Variants in VCAM1 observed in about 807,000 individuals in gnomAD.
VCAM1 encodes the protein vascular cell adhesion protein 1.
VCAM1 carries 41 observed loss-of-function variants against 63.8 expected under a neutral mutation model. The ratio of observed to expected loss-of-function variants is 0.64; its 90% CI spans 0.50 to 0.83. The LOEUF is 0.83. Ranked by LOEUF, VCAM1 falls within the 40% of genes least tolerant of loss-of-function variation. VCAM1 has a pLI of 0.00. For synonymous variants in VCAM1, 338 were observed against 320.7 expected (o/e 1.05, Z -0.58); for missense variants, 798 against 875.5 (o/e 0.91, Z 1.12).
At chr1:100,722,474 A>G (rs1313116136) in intron 2 of VCAM1, among the ~76,000 whole-genome samples, 3 of 152,096 alleles carry the variant, frequency 2.0e-5, no homozygotes, top group Non-Finnish European at 2.9e-5. Flanking sequence ...TATCTGTAAA[A>G]TGGAAATATA....
intron 4 of VCAM1, among the ~76,000 whole-genome samples, chr1:100,725,811 T>C (rs1375141293): frequency 6.6e-6 from 1 of 152,064 alleles, no homozygotes; most frequent in Non-Finnish European, 1.5e-5. Context: ...ATTGTATACA[T>C]TTATAGATTA....
Position 100,734,589 on chromosome 1 carries a change from A to G in VCAM1, c.1880A>G (p.Asn627Ser). 6.2e-7 allele frequency: 1 copy of G among 1,613,966 alleles called. No homozygotes were observed. The highest frequency in any genetic ancestry group is 8.5e-7 in the Non-Finnish European group (1 of 1,179,904). Residue 627 changes from asparagine to serine, a missense_variant, in exon 8 of 9, where the codon AAT becomes AGT. By Grantham distance (46) the Asn-to-Ser change is conservative (BLOSUM62 1). Transcript: ENST00000294728. ...DTVIISCTCG[N>S]VPETWIILKK... ...GTCATCATCTCTTGTACATGTGGAA[A>G]TGTTCCAGAAACATGGATAATCCTG...
rs767042195 is a variant in VCAM1, at chr1:100,729,186, T to C, written c.1008T>C (p.Ser336=). The change falls in exon 5 of 9, where the codon AGT becomes AGC. Residue 336 remains serine, a synonymous_variant. Transcript: ENST00000294728. Reference sequence around the variant, plus strand: ...GAGACTCAGTCATGTTGACATGTAGTGTCATGGGCTGTGAATCCCCATCTT... The same window carrying C: ...GAGACTCAGTCATGTTGACATGTAGCGTCATGGGCTGTGAATCCCCATCTT... The part of the protein sequence containing the change: ...QIGDSVMLTC[S]VMGCESPSFS... 7.4e-6 allele frequency: 12 copies of C among 1,613,454 alleles called. No homozygotes were observed. The highest frequency in any genetic ancestry group is 1.6e-4 in the Middle Eastern group (1 of 6,074).
intron 7 of VCAM1, among the ~76,000 whole-genome samples, chr1:100,733,847 G>T (rs1011964435): frequency 2.6e-5 from 4 of 152,164 alleles, no homozygotes; most frequent in Non-Finnish European, 5.9e-5. Context: ...AAAAAATTAA[G>T]TTTCTATTTC....
intron 5 of VCAM1, among the ~76,000 whole-genome samples, chr1:100,729,715 G>A (rs1399788486): frequency 6.6e-6 from 1 of 152,036 alleles, no homozygotes; most frequent in Non-Finnish European, 1.5e-5. Flanking sequence ...CTACTGTTCA[G>A]CTACTCCAGT....
At chr1:100,726,538 T>A (rs927677596) in intron 4 of VCAM1, among the ~76,000 whole-genome samples, 11 of 152,014 alleles carry the variant, frequency 7.2e-5, no homozygotes, top group Non-Finnish European at 2.9e-5. Context: ...TCTGGCAAAA[T>A]CTTAGCCATT....
chr1:100,732,786 G>A (rs1660509806), intron 7 of VCAM1, 102 bp downstream of exon 7: 2 of 1,302,992 alleles, frequency 1.5e-6, no homozygotes, highest in Non-Finnish European at 1.0e-6. Flanking sequence ...TACTACAAAA[G>A]TGTGATGAGG....
intron 1 of VCAM1, among the ~76,000 whole-genome samples, chr1:100,720,265 A>G (rs145207058): frequency 3.3e-4 from 50 of 152,258 alleles, no homozygotes; most frequent in African/African-American, 1.1e-3. Context: ...ATGGGCATCA[A>G]GGTTGGAACT....
At position 100,731,495 on chromosome 1, in the gene VCAM1, G is replaced by C; in HGVS notation, c.1502G>C (p.Ser501Thr). ...GAATTCGAACCCAAACAAAGGCAGA[G>C]TACGCAAACACTTTATGTCAATGGT... is the stretch of plus-strand genomic sequence containing the variant. The part of the protein sequence containing the change: ...DMEFEPKQRQ[S>T]TQTLYVNVAP... Residue 501 changes from serine to threonine, a missense_variant, in exon 6 of 9, where the codon AGT (serine) becomes ACT (threonine). By Grantham distance (58) the Ser-to-Thr change is moderately conservative. Transcript: ENST00000294728. This position sits in a 1 kb window ranked among gnomAD's most constrained non-coding sequence, Gnocchi z 4.2. 2 of 1,613,146 alleles carry C rather than the reference G, an allele frequency of 1.2e-6. No individual in the cohort carries two copies. Among genetic ancestry groups the C allele is most frequent in the Non-Finnish European group, 1.7e-6 (2 of 1,179,678 alleles).
intron 3 of VCAM1, among the ~76,000 whole-genome samples, chr1:100,724,263 T>C (rs1660083075): frequency 6.6e-6 from 1 of 152,014 alleles, no homozygotes. Context: ...AAAATCAAAT[T>C]GACTCTTTTG....
At position 100,720,518 on chromosome 1, in the gene VCAM1, T is replaced by G. The variant is rs368309387; in HGVS notation, c.107T>G (p.Leu36Arg). 1.2e-5 allele frequency: 19 copies of G among 1,613,140 alleles called. No homozygotes were observed. The highest frequency in any genetic ancestry group is 1.4e-5 in the Non-Finnish European group (17 of 1,179,346). The change falls in exon 2 of 9, where the codon CTT (leucine) becomes CGT (arginine). Residue 36 changes from leucine to arginine, a missense_variant. By Grantham distance (102) the Leu-to-Arg change is moderately radical (BLOSUM62 -2). Coordinates refer to ENST00000294728, the MANE Select transcript of VCAM1 (RefSeq NM_001078.4). ...KIETTPESRY[L>R]AQIGDSVSLT... ...GAGACCACCCCAGAATCTAGATATC[T>G]TGCTCAGATTGGTGACTCCGTCTCA...
In VCAM1 at chr1:100,729,093, C is replaced by T; in HGVS notation, c.929-14C>T. 6.7e-7 allele frequency: 1 copy of T among 1,493,606 alleles called. No individual in the cohort carries two copies. The allele number at this position is 1,493,606 out of a possible 1,614,324, so 92.5% of individuals were successfully genotyped here. On this transcript the variant is annotated splice_polypyrimidine_tract_variant and intron_variant, in intron 4 of 8. Transcript: ENST00000294728. ...CTTATGTTCTTTTCATCTTGTTTTC[C>T]ACCTGTGTCCCAGAGAAACCATTTA...
At chr1:100,725,138 C>T (rs1482425875) in intron 4 of VCAM1, among the ~76,000 whole-genome samples, 1 of 151,792 alleles carries the variant, frequency 6.6e-6, no homozygotes. Flanking sequence ...GCTTCATTCC[C>T]TCACTTTCTC....
chr1:100,734,543 A>T lies in VCAM1; in HGVS notation c.1834A>T (p.Ser612Cys). 1 of 1,613,720 alleles carries T rather than the reference A, an allele frequency of 6.2e-7. No individual in the cohort carries two copies. The highest frequency in any genetic ancestry group is 1.1e-5 in the South Asian group (1 of 91,048). ...DIKLTAFPSESVKEGDTVIIS... is the reference protein window; with the variant it reads ...DIKLTAFPSECVKEGDTVIIS... ...AAAACTTACAGCTTTTCCTTCTGAG[A>T]GTGTCAAAGAAGGAGACACTGTCAT... Residue 612 changes from serine to cysteine, a missense_variant, in exon 8 of 9, where the codon AGT becomes TGT. Ser to Cys is a moderately radical substitution (Grantham distance 112). Transcript: ENST00000294728.
rs919766510 is a variant in VCAM1, at chr1:100,734,885, A to T, written c.2059+117A>T. 19 of 1,306,240 alleles carry T rather than the reference A, an allele frequency of 1.5e-5. No individual in the cohort carries two copies. In the Middle Eastern group the frequency reaches 7.8e-4, roughly 54 times the overall value. The allele number at this position is 1,306,240 out of a possible 1,614,324, so 80.9% of individuals were successfully genotyped here. On this transcript the variant is annotated intron_variant, in intron 8 of 8. Transcript: ENST00000294728. ...AAAATGGAGCTGTGGTTTATTTCTT[A>T]AGGATTCTTGGAAAAATCAAGCACA...
At chr1:100,726,589 G>A (rs903189885) in intron 4 of VCAM1, among the ~76,000 whole-genome samples, 1 of 151,986 alleles carries the variant, frequency 6.6e-6, no homozygotes, top group Admixed American at 6.6e-5. Context: ...GTTCCAGACT[G>A]TGTCAGACCA....
rs189048711 is a variant in VCAM1 at position 100,728,490 on chromosome 1, T to C, written c.929-617T>C. Reference sequence around the variant, plus strand: ...ATATGAGGATGACTTGATTTAGTTGTTGTAGCAACTGAAAAGCTGGGATCT... The same window carrying C: ...ATATGAGGATGACTTGATTTAGTTGCTGTAGCAACTGAAAAGCTGGGATCT... On this transcript the variant is annotated intron_variant, in intron 4 of 8. Coordinates refer to ENST00000294728, the MANE Select transcript of VCAM1 (RefSeq NM_001078.4). Among the ~76,000 whole-genome samples the C allele has an allele frequency of 8.9e-4, 135 of 152,142 alleles. 1 individual carries two copies. Among genetic ancestry groups the C allele is most frequent in the Middle Eastern group, 3.4e-3 (1 of 294 alleles).
chr1:100,724,566 C>A, intron 3 of VCAM1, 58 bp from the exon 4 acceptor site: 1 of 1,560,348 alleles, frequency 6.4e-7, no homozygotes, highest in East Asian at 2.3e-5. Context: ...AAATACATTA[C>A]CTCTGTTGCA....
rs1462381638 is a variant in VCAM1 at position 100,724,668 on chromosome 1, C to G, written c.706C>G (p.Leu236Val). Reference sequence around the variant, plus strand: ...TATTTCTGTGAATCCATCCACAAAGCTGCAAGAAGGTGGCTCTGTGACCAT... The same window carrying G: ...TATTTCTGTGAATCCATCCACAAAGGTGCAAGAAGGTGGCTCTGTGACCAT... ...TVISVNPSTK[L>V]QEGGSVTMTC... Residue 236 changes from leucine to valine, a missense_variant, in exon 4 of 9, where the codon CTG becomes GTG. Transcript: ENST00000294728. 10 of 1,613,048 alleles carry G rather than the reference C, an allele frequency of 6.2e-6. No individual in the cohort carries two copies. The highest frequency in any genetic ancestry group is 8.5e-6 in the Non-Finnish European group (10 of 1,179,386).
Sources: gnomAD v4.1 joint callset for allele counts (sites outside exome capture counted in the v4.1 genomes callset) on GRCh38, gnomAD v4.1.1 for gene constraint, Gnocchi (gnomAD v3.1) non-coding constraint, MANE v1.5 for transcripts, NCBI Gene and HGNC (gene_info 2026-07-23, HGNC 2026-07-21) for gene names.